The following IRF4 variants were observed in gnomAD, a reference collection of about 807,000 sequenced individuals.
IRF4 encodes the protein interferon regulatory factor 4.
Under a neutral mutation model 55.5 loss-of-function variants are expected in IRF4, and 13 were observed. That is an observed-to-expected ratio of 0.23 (90% confidence interval 0.15 to 0.37). The LOEUF is 0.37. IRF4 is among the 10% of genes least tolerant of loss of function. IRF4 has a pLI of 1.00. For synonymous variants in IRF4, 249 were observed against 240.7 expected, an observed-to-expected ratio of 1.03 and a Z score of -0.32; for missense variants, 397 against 593.8, an observed-to-expected ratio of 0.67 and a Z score of 3.44.
At chr6:404,959 C>A (rs1297627632) in intron 7 of IRF4, 59 bp from the exon 8 acceptor site, 2 of 1,052,446 alleles carry the variant, frequency 1.9e-6, no homozygotes. Context: ...CCTGTTTAAC[C>A]TGGTGTGTTC....
Position 393,858 on chromosome 6 carries a change from T to C in IRF4, c.216+490T>C, listed in dbSNP as rs1403218028. On this transcript the variant is annotated intron_variant, in intron 2 of 8. Coordinates refer to ENST00000380956, the MANE Select transcript of IRF4 (RefSeq NM_002460.4). This position sits in a 1 kb window ranked among gnomAD's most constrained non-coding sequence, Gnocchi z 5.4. ...CTGAGTCTCTCTCTCTCCATGTTTT[T>C]CCTGAGGTCAGCCTCTCTTCTCGCT... Among the ~76,000 whole-genome samples, 2 of 152,162 alleles carry C rather than the reference T, an allele frequency of 1.3e-5. No individual in the cohort carries two copies. Among genetic ancestry groups the C allele is most frequent in the Non-Finnish European group, 2.9e-5 (2 of 68,016 alleles).
Position 391,779 on chromosome 6 carries a change from C to T in IRF4, c.-86C>T, listed in dbSNP as rs1357521805. ...TTTCACCGCTCGATCTTGGGACCCA[C>T]CGCTGCCCTCAGCTCCGAGTCCAGG... On this transcript the variant is annotated 5_prime_UTR_variant, in exon 1 of 9. Transcript: ENST00000380956. 3.7e-5 allele frequency: 17 copies of T among 456,096 alleles called. No homozygotes were observed. Among genetic ancestry groups the T allele is most frequent in the Admixed American group, 3.5e-4 (15 of 42,566 alleles). 28.3% of individuals were successfully genotyped at this position (456,096 alleles called of 1,614,324 possible).
Position 393,025 on chromosome 6 carries a change from T to C in IRF4, c.-55-73T>C. On this transcript the variant is annotated intron_variant, in intron 1 of 8. Coordinates refer to ENST00000380956, the MANE Select transcript of IRF4 (RefSeq NM_002460.4). The surrounding 1 kb of genome is among the most constrained non-coding windows in gnomAD (Gnocchi z 5.4). ...AAAGACTCCGGGGCCTCGTGGTCAC[T>C]GGCGCAGGGGATCGGGGCGGGGTGC... 2.3e-6 allele frequency: 2 copies of C among 858,194 alleles called. No individual in the cohort carries two copies. Among genetic ancestry groups the C allele is most frequent in the South Asian group, 3.6e-5 (2 of 56,090 alleles). 53.2% of individuals were successfully genotyped at this position (858,194 alleles called of 1,614,324 possible). A position where few individuals can be genotyped will look rare whatever the true frequency, so the allele number is the denominator to read the frequency against.
rs987905504 is a variant in IRF4, at chr6:408,871, C to A, written c.*1273C>A. ...TTATTTCATCTGTTCTATGCTTCCT[C>A]GTGCCAATTATAGTTTGACAGGGCC... is the stretch of plus-strand genomic sequence containing the variant. On this transcript the variant is annotated 3_prime_UTR_variant, in exon 9 of 9. Transcript: ENST00000380956. 3 of 232,240 alleles carry A rather than the reference C, an allele frequency of 1.3e-5. No homozygotes were observed. Among genetic ancestry groups the A allele is most frequent in the Non-Finnish European group, 2.6e-5 (3 of 117,422 alleles). The allele number at this position is 232,240 out of a possible 1,614,324, so 14.4% of individuals were successfully genotyped here.
At chr6:406,746 ATTAAT>A (rs1226253874) in intron 8 of IRF4, 7 of 1,149,556 alleles carry the variant, frequency 6.1e-6, no homozygotes, top group Non-Finnish European at 7.8e-6. Context: ...TTTAAAAATT[ATTAAT>A]TTAATTCATT....
At chr6:395,348 G>A (rs1234817531) in intron 3 of IRF4, among the ~76,000 whole-genome samples, 1 of 152,092 alleles carries the variant, frequency 6.6e-6, no homozygotes, top group Non-Finnish European at 1.5e-5. Flanking sequence ...TCTTTAGTGA[G>A]TGACTATTTT....
chr6:403,038 C>T (rs1021679271), intron 7 of IRF4, among the ~76,000 whole-genome samples: 13 of 152,138 alleles, frequency 8.5e-5, no homozygotes, highest in African/African-American at 2.4e-4. Context: ...CATTGCCCCC[C>T]GCACCACAAA....
chr6:407,256 G>A (rs528550149), intron 8 of IRF4, among the ~76,000 whole-genome samples, 199 bp from the exon 9 acceptor site: 1 of 152,134 alleles, frequency 6.6e-6, no homozygotes, highest in Non-Finnish European at 1.5e-5. Context: ...CACTTTGGCT[G>A]TTTTTTTACA....
Position 391,821 on chromosome 6 carries a change from A to C in IRF4, c.-56+12A>C. 1 of 455,996 alleles carries C rather than the reference A, an allele frequency of 2.2e-6. No individual in the cohort carries two copies. Among genetic ancestry groups the C allele is most frequent in the South Asian group, 1.5e-5 (1 of 64,546 alleles). The allele number at this position is 455,996 out of a possible 1,614,324, so 28.2% of individuals were successfully genotyped here. On this transcript the variant is annotated intron_variant, in intron 1 of 8. Transcript: ENST00000380956. ...GAGTCCAGGGCGAGGTAAGGGCTGG[A>C]GTCGGGCAGGAGGAGGGGTGTGAGG...
rs189617307 is a variant in IRF4 at position 407,662 on chromosome 6, G to A, written c.*64G>A. The A allele has an allele frequency of 2.5e-5, 35 of 1,398,778 alleles. No individual in the cohort carries two copies. Among genetic ancestry groups the A allele is most frequent in the Middle Eastern group, 3.7e-4 (2 of 5,478 alleles). 86.6% of individuals were successfully genotyped at this position (1,398,778 alleles called of 1,614,324 possible). On this transcript the variant is annotated 3_prime_UTR_variant, in exon 9 of 9. Transcript: ENST00000380956. ...TTTTTTTTTTTTGATACGGGGATACGGGGTCTTGCTCTGTCTCCCAGGCTG... is the reference window on the plus strand; with the variant it reads ...TTTTTTTTTTTTGATACGGGGATACAGGGTCTTGCTCTGTCTCCCAGGCTG...
chr6:404,871 C>T (rs1761503801), intron 7 of IRF4, 147 bp from the exon 8 acceptor site: 1 of 597,834 alleles, frequency 1.7e-6, no homozygotes, highest in Non-Finnish European at 3.0e-6. Context: ...CTGAGATGTT[C>T]ACATCAAGAG....
At position 408,682 on chromosome 6, in the gene IRF4, C is replaced by G. The variant is rs1462358429; in HGVS notation, c.*1084C>G. 3 of 230,282 alleles carry G rather than the reference C, an allele frequency of 1.3e-5. No homozygotes were observed. The highest frequency in any genetic ancestry group is 2.6e-5 in the Non-Finnish European group (3 of 116,078). 14.3% of individuals were successfully genotyped at this position (230,282 alleles called of 1,614,324 possible). On this transcript the variant is annotated 3_prime_UTR_variant, in exon 9 of 9. Coordinates refer to ENST00000380956, the MANE Select transcript of IRF4 (RefSeq NM_002460.4). ...GTACTTAACTATCTGTTCCCTTCCT[C>G]TGTGCCACGCTCCTCTGTTTGTTTG...
intron 5 of IRF4, among the ~76,000 whole-genome samples, chr6:397,921 C>A (rs1208051662): frequency 6.6e-6 from 1 of 152,228 alleles, no homozygotes; most frequent in East Asian, 1.9e-4. Flanking sequence ...CAGGTCAACA[C>A]ACTGAACCCT....
In IRF4 at chr6:401,498, T is replaced by A; in HGVS notation, c.820T>A (p.Cys274Ser). ...GCTGACCACGTCCAGCCCCGAGGGCTGCCGGATCTCCCATGGACATACGTA... is the reference window on the plus strand; with the variant it reads ...GCTGACCACGTCCAGCCCCGAGGGCAGCCGGATCTCCCATGGACATACGTA... ...KELTTSSPEGCRISHGHTYDA... is the reference protein window; with the variant it reads ...KELTTSSPEGSRISHGHTYDA... The change falls in exon 7 of 9, where the codon TGC becomes AGC. Residue 274 changes from cysteine (C) to serine (S), a missense_variant. By Grantham distance (112) the Cys-to-Ser change is moderately radical. Transcript: ENST00000380956. The A allele has an allele frequency of 6.2e-7, 1 of 1,614,022 alleles. No individual in the cohort carries two copies. Among genetic ancestry groups the A allele is most frequent in the Non-Finnish European group, 8.5e-7 (1 of 1,180,036 alleles).
Position 393,281 on chromosome 6 carries a change from G to A in IRF4, c.129G>A (p.Glu43=), listed in dbSNP as rs764159153. The change falls in exon 2 of 9, where the codon GAG becomes GAA. Residue 43 remains glutamate, a synonymous_variant. Coordinates refer to ENST00000380956, the MANE Select transcript of IRF4 (RefSeq NM_002460.4). The surrounding 1 kb of genome is among the most constrained non-coding windows in gnomAD (Gnocchi z 5.4). ...GCAAGTACCCCGGGCTGGTGTGGGA[G>A]AACGAGGAGAAGAGCATCTTCCGCA... ...DSGKYPGLVW[E]NEEKSIFRIP... is the part of the protein sequence containing the mutation. The A allele has an allele frequency of 3.7e-6, 6 of 1,604,824 alleles. No homozygotes were observed. Among genetic ancestry groups the A allele is most frequent in the Admixed American group, 3.4e-5 (2 of 59,022 alleles).
rs1166639778 is a variant in IRF4, at chr6:408,679, C to G, written c.*1081C>G. ...CAAGTACTTAACTATCTGTTCCCTTCCTCTGTGCCACGCTCCTCTGTTTGT... is the reference window on the plus strand; with the variant it reads ...CAAGTACTTAACTATCTGTTCCCTTGCTCTGTGCCACGCTCCTCTGTTTGT... On this transcript the variant is annotated 3_prime_UTR_variant, in exon 9 of 9. Transcript: ENST00000380956. The G allele has an allele frequency of 4.3e-6, 1 of 230,164 alleles. No homozygotes were observed. The highest frequency in any genetic ancestry group is 6.1e-5 in the East Asian group (1 of 16,378). 14.3% of individuals were successfully genotyped at this position (230,164 alleles called of 1,614,324 possible).
rs78361121 is a variant in IRF4 at position 409,283 on chromosome 6, A to G, written c.*1685A>G. Reference sequence around the variant, plus strand: ...TTAAAGTCAGAATATTAATACAATTAATATTAATATTAACTACAGAAAAGA... The same window carrying G: ...TTAAAGTCAGAATATTAATACAATTGATATTAATATTAACTACAGAAAAGA... On this transcript the variant is annotated 3_prime_UTR_variant, in exon 9 of 9. Transcript: ENST00000380956. 0.031 allele frequency: 5,853 copies of G among 190,476 alleles called. 150 individuals are homozygous for G. Among genetic ancestry groups the G allele is most frequent in the Non-Finnish European group, 0.048 (4,353 of 90,764 alleles). 11.8% of individuals were successfully genotyped at this position (190,476 alleles called of 1,614,324 possible).
At position 409,746 on chromosome 6, in the gene IRF4, G is replaced by A; in HGVS notation, c.*2148G>A. 1 of 228,698 alleles carries A rather than the reference G, an allele frequency of 4.4e-6. No homozygotes were observed. The highest frequency in any genetic ancestry group is 8.7e-6 in the Non-Finnish European group (1 of 115,108). The allele number at this position is 228,698 out of a possible 1,614,324, so 14.2% of individuals were successfully genotyped here. A position where few individuals can be genotyped will look rare whatever the true frequency, so the allele number is the denominator to read the frequency against. ...GCTGTTTCACGGGGCCCTTACCTGT[G>A]ACCCTCTTTGCTGAAGAATATTTAA... On this transcript the variant is annotated 3_prime_UTR_variant, in exon 9 of 9. Transcript: ENST00000380956.
chr6:406,713 C>T lies in IRF4; in HGVS notation c.1213-742C>T, dbSNP rs187860014. On this transcript the variant is annotated intron_variant, in intron 8 of 8. Transcript: ENST00000380956. ...GTGGTCCATAAAATGAATAAACACACGTGTACACCTATGAGTTCCACTTTT... is the reference window on the plus strand; with the variant it reads ...GTGGTCCATAAAATGAATAAACACATGTGTACACCTATGAGTTCCACTTTT... The T allele has an allele frequency of 1.7e-3, 1,674 of 984,974 alleles. 4 individuals carry two copies. The highest frequency in any genetic ancestry group is 2.9e-3 in the Admixed American group (76 of 25,796). 61.0% of individuals were successfully genotyped at this position (984,974 alleles called of 1,614,324 possible). A position where few individuals can be genotyped will look rare whatever the true frequency, so the allele number is the denominator to read the frequency against.
Sources: gnomAD v4.1 joint callset for allele counts (sites outside exome capture counted in the v4.1 genomes callset) on GRCh38, gnomAD v4.1.1 for gene constraint, Gnocchi (gnomAD v3.1) non-coding constraint, MANE v1.5 for transcripts, NCBI Gene and HGNC (gene_info 2026-07-23, HGNC 2026-07-21) for gene names.